Variants in MKS1 observed in about 807,000 individuals in gnomAD.
The protein encoded by MKS1 is tectonic-like complex member MKS1.
MKS1 carries 70 observed loss-of-function variants against 83.7 expected under a neutral mutation model. The observed-to-expected ratio is 0.84, with a 90% CI of 0.69 to 1.02. The LOEUF (loss-of-function observed/expected upper bound fraction) is 1.02. MKS1 is among the 50% of genes least tolerant of loss of function. The pLI is 0.00. For missense variants in MKS1, 681 were observed against 726.9 expected (o/e 0.94, Z 0.73); for synonymous variants, 251 against 273.4 (o/e 0.92, Z 0.81).
intron 12 of MKS1, 52 bp downstream of exon 12, chr17:58,208,461 T>C: frequency 6.3e-7 from 1 of 1,594,786 alleles, no homozygotes. Context: ...TCAAATGCCA[T>C]CCCAGGAGCA....
In MKS1 at chr17:58,209,384, G is replaced by A. The variant is rs1381083149; in HGVS notation, c.1025-801C>T. 6.6e-6 allele frequency among the ~76,000 whole-genome samples: 1 copy of A among 152,202 alleles called. No homozygotes were observed. Among genetic ancestry groups the A allele is most frequent in the Admixed American group, 6.5e-5 (1 of 15,284 alleles). On this transcript the variant is annotated intron_variant, in intron 11 of 17. Transcript: ENST00000393119. The surrounding 1 kb of genome is among the most constrained non-coding windows in gnomAD (Gnocchi z 4.1). ...AAAGATCCCCATCTCTCATGGAGCT[G>A]ACATTCTGGGGGAAGCAGGGAGACA...
At chr17:58,218,789 G>A in intron 1 of MKS1, 60 bp from the exon 2 acceptor site, 1 of 1,418,064 alleles carries the variant, frequency 7.1e-7, no homozygotes, top group Non-Finnish European at 1.0e-6. Context: ...TGAACACAAA[G>A]CAAGGATGGG....
intron 7 of MKS1, among the ~76,000 whole-genome samples, chr17:58,213,353 C>A (rs989697878): frequency 3.3e-5 from 5 of 152,202 alleles, no homozygotes; most frequent in Admixed American, 3.3e-4. Flanking sequence ...ATTCCTGCCA[C>A]CCAGTTCTCT....
At chr17:58,218,586 G>C (rs367605903) in intron 2 of MKS1, 34 bp downstream of exon 2, 40 of 1,388,998 alleles carry the variant, frequency 2.9e-5, no homozygotes, top group African/African-American at 1.6e-4. Context: ...ATCATAATTA[G>C]TATTAGATGG....
intron 15 of MKS1, 109 bp downstream of exon 15, chr17:58,206,976 T>A: frequency 3.4e-6 from 5 of 1,485,266 alleles, no homozygotes; most frequent in Non-Finnish European, 4.7e-6. Context: ...AGGAAGGGGT[T>A]AATACTGAAG....
chr17:58,206,026 C>G lies in MKS1; in HGVS notation c.*53G>C. ...GACGAAGAGGCAGGAGAGCACTGGC[C>G]TCAGATATCCCCCATCTTGTCCTCT... is the stretch of plus-strand genomic sequence containing the variant. On this transcript the variant is annotated 3_prime_UTR_variant, in exon 18 of 18. Coordinates refer to ENST00000393119, the MANE Select transcript of MKS1 (RefSeq NM_017777.4). 1 of 1,567,200 alleles carries G rather than the reference C, an allele frequency of 6.4e-7. No individual in the cohort carries two copies. Among genetic ancestry groups the G allele is most frequent in the Non-Finnish European group, 8.6e-7 (1 of 1,157,632 alleles).
At position 58,209,615 on chromosome 17, in the gene MKS1, G is replaced by T. The variant is rs769853435; in HGVS notation, c.1025-1032C>A. On this transcript the variant is annotated intron_variant, in intron 11 of 17. Coordinates refer to ENST00000393119, the MANE Select transcript of MKS1 (RefSeq NM_017777.4). The surrounding 1 kb of genome is among the most constrained non-coding windows in gnomAD (Gnocchi z 4.1). ...AGAAAGGGTTTCAGACAAAGGAAAC[G>T]GCCCTTAAAAGGCTACAAGGTGGGA... Among the ~76,000 whole-genome samples, 1 of 152,154 alleles carries T rather than the reference G, an allele frequency of 6.6e-6. No individual in the cohort carries two copies. The highest frequency in any genetic ancestry group is 1.5e-5 in the Non-Finnish European group (1 of 68,026).
chr17:58,217,882 GT>G (rs1032856592), intron 2 of MKS1, among the ~76,000 whole-genome samples: 2 of 152,038 alleles, frequency 1.3e-5, no homozygotes, highest in Non-Finnish European at 2.9e-5. Context: ...TCAGAGACAC[GT>G]TTCACAACCT....
rs571769092 is a variant in MKS1, at chr17:58,214,349, T to C, written c.554A>G (p.Glu185Gly). ...GILKSRIVTW[E>G]PSEEFVRNNH... ...GTTCCTGACAAACTCTTCTGAGGGC[T>C]CCCAGGTGACGATGCGTGACTTGAG... The change falls in exon 6 of 18, where the codon GAG becomes GGG. Residue 185 changes from glutamate to glycine, a missense_variant. Physicochemically the swap from Glu to Gly is moderately conservative, Grantham distance 98. Coordinates refer to ENST00000393119, the MANE Select transcript of MKS1 (RefSeq NM_017777.4). The C allele has an allele frequency of 1.9e-6, 3 of 1,613,834 alleles. No individual in the cohort carries two copies. The highest frequency in any genetic ancestry group is 2.7e-5 in the African/African-American group (2 of 75,000).
At position 58,212,547 on chromosome 17, in the gene MKS1, C is replaced by A. The variant is rs1186717217; in HGVS notation, c.859-113G>T. On this transcript the variant is annotated intron_variant, in intron 8 of 17. Transcript: ENST00000393119. ...GGGAAGGGTCAGCAAGAGCTGGAGG[C>A]GTAAGCACCTGACTCACCGCCATTT... The A allele has an allele frequency of 6.0e-6, 7 of 1,157,626 alleles. No individual in the cohort carries two copies. The African/African-American group carries it at 7.6e-5, about 13-fold the overall frequency. The allele number at this position is 1,157,626 out of a possible 1,614,324, so 71.7% of individuals were successfully genotyped here. A position where few individuals can be genotyped will look rare whatever the true frequency, so the allele number is the denominator to read the frequency against.
chr17:58,209,777 T>A lies in MKS1; in HGVS notation c.1024+882A>T, dbSNP rs564421288. On this transcript the variant is annotated intron_variant, in intron 11 of 17. Coordinates refer to ENST00000393119, the MANE Select transcript of MKS1 (RefSeq NM_017777.4). This position sits in a 1 kb window ranked among gnomAD's most constrained non-coding sequence, Gnocchi z 4.1. ...TGGGGTTTTCAGCTCAAAAGGGACA[T>A]AACTTGTTTACATTTTTTAAAGCTC... Among the ~76,000 whole-genome samples, 3 of 152,204 alleles carry A rather than the reference T, an allele frequency of 2.0e-5. No homozygotes were observed. The highest frequency in any genetic ancestry group is 7.2e-5 in the African/African-American group (3 of 41,452).
chr17:58,216,828 T>C (rs1969249909), intron 2 of MKS1, 92 bp from the exon 3 acceptor site: 3 of 1,334,930 alleles, frequency 2.2e-6, no homozygotes, highest in African/African-American at 1.4e-5. Flanking sequence ...CCTATTCTTA[T>C]ATTTGCCACA....
chr17:58,207,832 G>A, intron 14 of MKS1, 62 bp downstream of exon 14: 1 of 1,417,464 alleles, frequency 7.1e-7, no homozygotes, highest in Admixed American at 1.7e-5. Flanking sequence ...GCATTCGAGT[G>A]TTAGTCTTGT....
At position 58,208,577 on chromosome 17, in the gene MKS1, G is replaced by T; in HGVS notation, c.1031C>A (p.Ser344Ter). The change falls in exon 12 of 18, where the codon TCA becomes TAA. Residue 344 changes from serine (S) to a stop codon, truncating the protein, a stop_gained. Coordinates refer to ENST00000393119, the MANE Select transcript of MKS1 (RefSeq NM_017777.4). LOFTEE classifies it high-confidence loss of function. ...FFVELPTAHW[S>*]SPAFQQLSGV... ...TGAGAGCTGCTGGAATGCTGGGCTT[G>T]ACCAGTCTGAAAGCCAAAGACCAAA... 5.0e-6 allele frequency: 8 copies of T among 1,614,174 alleles called. No homozygotes were observed. Among genetic ancestry groups the T allele is most frequent in the Non-Finnish European group, 6.8e-6 (8 of 1,180,026 alleles).
chr17:58,213,256 G>A (rs1180060713), intron 7 of MKS1, among the ~76,000 whole-genome samples, 166 bp from the exon 8 acceptor site: 1 of 152,206 alleles, frequency 6.6e-6, no homozygotes, highest in East Asian at 1.9e-4. Flanking sequence ...AAAGGGTAAA[G>A]CAGAGAGGGC....
In MKS1 at chr17:58,213,096, A is replaced by C. The variant is rs1439028930; in HGVS notation, c.750-6T>G. 6.2e-7 allele frequency: 1 copy of C among 1,613,828 alleles called. No homozygotes were observed. On this transcript the variant is annotated splice_region_variant and splice_polypyrimidine_tract_variant and intron_variant, in intron 7 of 17. Coordinates refer to ENST00000393119, the MANE Select transcript of MKS1 (RefSeq NM_017777.4). ...TCTCCCCCTCCGTCTCAATCCTGTA[A>C]GGTCAAAACCACAGAAAGGAGCAAC...
chr17:58,205,616 C>T lies in MKS1; in HGVS notation c.*463G>A. On this transcript the variant is annotated 3_prime_UTR_variant, in exon 18 of 18. Coordinates refer to ENST00000393119, the MANE Select transcript of MKS1 (RefSeq NM_017777.4). Reference sequence around the variant, plus strand: ...CCCCAAGCAGTAGAATGAGGCTTCCCTGGAAAGAGGCTGAGACTCACAGGC... The same window carrying T: ...CCCCAAGCAGTAGAATGAGGCTTCCTTGGAAAGAGGCTGAGACTCACAGGC... 1 of 1,306,358 alleles carries T rather than the reference C, an allele frequency of 7.7e-7. No individual in the cohort carries two copies. Among genetic ancestry groups the T allele is most frequent in the Non-Finnish European group, 1.0e-6 (1 of 990,452 alleles). 80.9% of individuals were successfully genotyped at this position (1,306,358 alleles called of 1,614,324 possible).
intron 2 of MKS1, 116 bp downstream of exon 2, chr17:58,218,504 C>T (rs1598006215): frequency 1.9e-6 from 1 of 525,546 alleles, no homozygotes; most frequent in Non-Finnish European, 3.6e-6. Flanking sequence ...TGTAGGTTGC[C>T]GGGCAACTCT....
At position 58,207,934 on chromosome 17, in the gene MKS1, A is replaced by G. The variant is rs201128765; in HGVS notation, c.1233T>C (p.Arg411=). Residue 411 remains arginine (R), a synonymous_variant, in exon 14 of 18, where the codon CGT becomes CGC. Transcript: ENST00000393119. ...VLSLDFWQRY[R]VEGYGAVVLP... is the part of the protein sequence containing the mutation. ...GCACCACAGCCCCATAGCCTTCCACACGGTACCTCTGCCAGAAGTCCAGCG... is the reference window on the plus strand; with the variant it reads ...GCACCACAGCCCCATAGCCTTCCACGCGGTACCTCTGCCAGAAGTCCAGCG... The G allele has an allele frequency of 5.5e-5, 89 of 1,614,078 alleles. No homozygotes were observed. The East Asian group carries it at 1.9e-3, about 35-fold the overall frequency.
Sources: gnomAD v4.1 joint callset for allele counts (sites outside exome capture counted in the v4.1 genomes callset) on GRCh38, gnomAD v4.1.1 for gene constraint, Gnocchi (gnomAD v3.1) non-coding constraint, MANE v1.5 for transcripts, NCBI Gene and HGNC (gene_info 2026-07-23, HGNC 2026-07-21) for gene names.